Variants in ART1 observed in about 807,000 individuals in gnomAD.
The protein encoded by ART1 is GPI-linked NAD(P)(+)--arginine ADP-ribosyltransferase 1.
A neutral mutation model predicts 27.0 loss-of-function variants in ART1; 29 were observed. The ratio of observed to expected loss-of-function variants is 1.08; its 90% CI spans 0.80 to 1.47. The LOEUF is 1.47. ART1 is among the 40% of genes most tolerant of loss of function. ART1 has a pLI of 0.00. For synonymous variants in ART1, 201 were observed against 172.2 expected (o/e 1.17, Z -1.31); for missense variants, 480 against 423.0 (o/e 1.13, Z -1.18).
intron 3 of ART1, among the ~76,000 whole-genome samples, chr11:3,661,030 G>A (rs889499170): frequency 6.6e-6 from 1 of 152,228 alleles, no homozygotes; most frequent in African/African-American, 2.4e-5. Flanking sequence ...GCATGCATGA[G>A]TTGACAGAAG....
At chr11:3,646,570 T>G (rs1186160989) in intron 1 of ART1, among the ~76,000 whole-genome samples, 1 of 152,192 alleles carries the variant, frequency 6.6e-6, no homozygotes, top group Non-Finnish European at 1.5e-5. Flanking sequence ...AAGGACCAGA[T>G]GCAAAGAGCC....
chr11:3,660,097 C>A lies in ART1; in HGVS notation c.578C>A (p.Ala193Asp), dbSNP rs754155931. The change falls in exon 3 of 5, where the codon GCC becomes GAC. Residue 193 changes from alanine (A) to aspartate (D), a missense_variant. Coordinates refer to ENST00000250693, the MANE Select transcript of ART1 (RefSeq NM_004314.3). Reference protein sequence around the residue: ...GLRFRPAGPRATVRLGGFASA... With the variant: ...GLRFRPAGPRDTVRLGGFASA... ...CGCTTCCGGCCAGCAGGGCCCCGGG[C>A]CACCGTGAGGCTGGGGGGCTTTGCT... The A allele has an allele frequency of 5.6e-6, 9 of 1,613,632 alleles. No individual in the cohort carries two copies. The highest frequency in any genetic ancestry group is 1.3e-5 in the African/African-American group (1 of 74,936).
chr11:3,658,250 T>A (rs1027456038), intron 1 of ART1, among the ~76,000 whole-genome samples: 2 of 151,100 alleles, frequency 1.3e-5, no homozygotes, highest in Non-Finnish European at 2.9e-5. Flanking sequence ...AAAGAATCAC[T>A]TGAACTCAGG....
chr11:3,655,477 G>T (rs1565042408), intron 1 of ART1: 1 of 152,146 alleles, frequency 6.6e-6, no homozygotes, highest in African/African-American at 2.4e-5. Flanking sequence ...TTACACTTTT[G>T]GCCTGCCCTG....
Position 3,660,262 on chromosome 11 carries a change from C to T in ART1, c.743C>T (p.Thr248Ile). The T allele has an allele frequency of 6.2e-7, 1 of 1,613,186 alleles. No individual in the cohort carries two copies. Among genetic ancestry groups the T allele is most frequent in the South Asian group, 1.1e-5 (1 of 91,076 alleles). The part of the protein sequence containing the change: ...EEEVLIPPFE[T>I]FQVINASRLA... ...GAGGTGCTGATCCCCCCCTTTGAGA[C>T]CTTCCAAGTGATCAATGCCAGCAGA... Residue 248 changes from threonine to isoleucine, a missense_variant, in exon 3 of 5, where the codon ACC becomes ATC. Thr to Ile is a moderately conservative substitution (Grantham distance 89). Coordinates refer to ENST00000250693, the MANE Select transcript of ART1 (RefSeq NM_004314.3).
chr11:3,654,981 G>T (rs887404860), intron 1 of ART1, among the ~76,000 whole-genome samples: 1 of 152,250 alleles, frequency 6.6e-6, no homozygotes, highest in Non-Finnish European at 1.5e-5. Context: ...GGCTTTTGCT[G>T]CATAACTATT....
intron 1 of ART1, among the ~76,000 whole-genome samples, chr11:3,652,661 A>T (rs2077533961): frequency 6.6e-6 from 1 of 151,962 alleles, no homozygotes. Context: ...GCCCCAAAAG[A>T]ACTTGTCATC....
chr11:3,659,373 C>G (rs1229080741), intron 2 of ART1, 97 bp downstream of exon 2: 1 of 1,546,552 alleles, frequency 6.5e-7, no homozygotes, highest in East Asian at 2.3e-5. Context: ...AAAGAATGCC[C>G]GACGCTTCCC....
intron 1 of ART1, among the ~76,000 whole-genome samples, chr11:3,653,442 C>A (rs1384776616): frequency 6.7e-6 from 1 of 148,360 alleles, no homozygotes; most frequent in African/African-American, 2.6e-5. Flanking sequence ...TTGTGACCCC[C>A]ACTCTGACTG....
At chr11:3,655,258 AGTACATGGGTGCAGTGAGCTTCTTT>A (rs1166174482) in intron 1 of ART1, among the ~76,000 whole-genome samples, 1 of 152,234 alleles carries the variant, frequency 6.6e-6, no homozygotes, top group Non-Finnish European at 1.5e-5. Context: ...CCCACAGACA[AGTACATGGGTGCAGTGAGCTTCTTT>A]GTAAAGTGAT....
intron 1 of ART1, among the ~76,000 whole-genome samples, chr11:3,654,931 G>T (rs2077558096): frequency 6.6e-6 from 1 of 152,226 alleles, no homozygotes. Context: ...GACAGAAACA[G>T]AGCTGTGGAG....
intron 2 of ART1, 97 bp downstream of exon 2, chr11:3,659,373 C>T (rs1229080741): frequency 1.8e-5 from 28 of 1,546,550 alleles, no homozygotes; most frequent in Middle Eastern, 2.1e-4. Context: ...AAAGAATGCC[C>T]GACGCTTCCC....
intron 1 of ART1, among the ~76,000 whole-genome samples, chr11:3,658,754 C>T (rs751998119): frequency 2.0e-5 from 3 of 152,212 alleles, no homozygotes; most frequent in Non-Finnish European, 4.4e-5. Context: ...AGGTCTCTCA[C>T]TGTGGCTGTC....
chr11:3,650,677 C>T (rs960968503), intron 1 of ART1, among the ~76,000 whole-genome samples: 1 of 152,096 alleles, frequency 6.6e-6, no homozygotes, highest in African/African-American at 2.4e-5. Flanking sequence ...TCATTATCCC[C>T]ACCTGCCCAG....
At chr11:3,656,717 C>T (rs896238578) in intron 1 of ART1, among the ~76,000 whole-genome samples, 6 of 152,126 alleles carry the variant, frequency 3.9e-5, no homozygotes, top group East Asian at 1.9e-4. Flanking sequence ...GTTTCAAACT[C>T]CTGGGCTCAA....
chr11:3,659,118 T>C, intron 1 of ART1, 44 bp from the exon 2 acceptor site: 2 of 1,182,768 alleles, frequency 1.7e-6, no homozygotes, highest in African/African-American at 1.5e-5. Flanking sequence ...TAAGTGTCGA[T>C]TCATGTTTAT....
In ART1 at chr11:3,664,161, C is replaced by A; in HGVS notation, c.956C>A (p.Ala319Asp). 1 of 1,613,990 alleles carries A rather than the reference C, an allele frequency of 6.2e-7. No homozygotes were observed. Among genetic ancestry groups the A allele is most frequent in the Non-Finnish European group, 8.5e-7 (1 of 1,179,998 alleles). ...LLLLWFLVVR[A>D]FPDGPGLL ...CTGCTCTGGTTCCTCGTGGTGAGGG[C>A]CTTTCCAGATGGTCCAGGCCTCCTT... is the stretch of plus-strand genomic sequence containing the variant. The change falls in exon 5 of 5, where the codon GCC becomes GAC. Residue 319 changes from alanine (A) to aspartate (D), a missense_variant. Physicochemically the swap from Ala to Asp is moderately radical, Grantham distance 126. Coordinates refer to ENST00000250693, the MANE Select transcript of ART1 (RefSeq NM_004314.3).
intron 4 of ART1, chr11:3,663,844 G>T: frequency 4.6e-6 from 2 of 435,452 alleles, no homozygotes; most frequent in South Asian, 6.2e-5. Flanking sequence ...GCAGTGGGGG[G>T]ACTGTACATC....
At chr11:3,653,263 C>A (rs1300132691) in intron 1 of ART1, among the ~76,000 whole-genome samples, 1 of 148,748 alleles carries the variant, frequency 6.7e-6, no homozygotes, top group Non-Finnish European at 1.5e-5. Context: ...GCCATCATGT[C>A]CCCTGTGACC....
Sources: gnomAD v4.1 joint callset for allele counts (sites outside exome capture counted in the v4.1 genomes callset) on GRCh38, gnomAD v4.1.1 for gene constraint, MANE v1.5 for transcripts, NCBI Gene and HGNC (gene_info 2026-07-23, HGNC 2026-07-21) for gene names.